Variants in PTPRO observed in about 807,000 individuals in gnomAD.
The protein encoded by PTPRO is receptor-type tyrosine-protein phosphatase O.
A neutral mutation model predicts 145.2 loss-of-function variants in PTPRO; 62 were observed. The observed-to-expected ratio is 0.43, with a 90% CI of 0.35 to 0.53. The LOEUF is 0.53. Ranked by LOEUF, PTPRO falls within the 20% of genes least tolerant of loss-of-function variation. PTPRO has a pLI of 0.01. For synonymous variants in PTPRO, 565 were observed against 514.7 expected (o/e 1.10, Z -1.32); for missense variants, 1,345 against 1,482.7 (o/e 0.91, Z 1.53).
At position 15,507,464 on chromosome 12, in the gene PTPRO, C is replaced by T. The variant is rs188374221; in HGVS notation, c.1268-1107C>T. Among the ~76,000 whole-genome samples, 168 of 138,216 alleles carry T rather than the reference C, an allele frequency of 1.2e-3. 1 individual carries two copies. The highest frequency in any genetic ancestry group is 0.01 in the South Asian group (43 of 4,184). 90.7% of individuals were successfully genotyped at this position (138,216 alleles called of 152,430 possible). A position where few individuals can be genotyped will look rare whatever the true frequency, so the allele number is the denominator to read the frequency against. ...AAATAAATAAATAAGGAATGAAATA[C>T]GTAACACATAAAAACTTAAAGAAGG... On this transcript the variant is annotated intron_variant, in intron 6 of 26. Transcript: ENST00000281171.
At chr12:15,513,601 A>G (rs535624129) in intron 7 of PTPRO, among the ~76,000 whole-genome samples, 1 of 152,326 alleles carries the variant, frequency 6.6e-6, no homozygotes, top group African/African-American at 2.4e-5. Flanking sequence ...TTTAAAATTC[A>G]TATCATATCA....
intron 1 of PTPRO, among the ~76,000 whole-genome samples, chr12:15,355,790 T>A (rs1450393347): frequency 1.3e-5 from 2 of 152,224 alleles, no homozygotes; most frequent in Non-Finnish European, 1.5e-5. Context: ...AAAGTTTTTA[T>A]GGCTATTTCT....
Position 15,504,010 on chromosome 12 carries a change from C to T in PTPRO, c.1208C>T (p.Ser403Phe). 1 of 1,612,298 alleles carries T rather than the reference C, an allele frequency of 6.2e-7. No homozygotes were observed. Among genetic ancestry groups the T allele is most frequent in the Non-Finnish European group, 8.5e-7 (1 of 1,178,542 alleles). The change falls in exon 6 of 27, where the codon TCC becomes TTC. Residue 403 changes from serine (S) to phenylalanine (F), a missense_variant. Physicochemically the swap from Ser to Phe is radical, Grantham distance 155. Around this residue, in one of 3 missense-constraint regions of PTPRO, gnomAD observed 1,130 missense variants for 1,214.7 expected, o/e 0.93. Coordinates refer to ENST00000281171, the MANE Select transcript of PTPRO (RefSeq NM_030667.3). Reference sequence around the variant, plus strand: ...AAGTTATCTGTGACAACCTTTAGTTCCTCAGGATCTTGTGAAACTCGAAAA... The same window carrying T: ...AAGTTATCTGTGACAACCTTTAGTTTCTCAGGATCTTGTGAAACTCGAAAA... The part of the protein sequence containing the change: ...KYKLSVTTFS[S>F]SGSCETRKSQ...
chr12:15,390,565 A>G lies in PTPRO; in HGVS notation c.75+67764A>G, dbSNP rs575338418. On this transcript the variant is annotated intron_variant, in intron 1 of 26. Coordinates refer to ENST00000281171, the MANE Select transcript of PTPRO (RefSeq NM_030667.3). ...ACACGCGGGAATTATGGGAGCTACA[A>G]TTCAAGATAAGATTTGGGTGGAGAC... Among the ~76,000 whole-genome samples, 87 of 152,292 alleles carry G rather than the reference A, an allele frequency of 5.7e-4. No individual in the cohort carries two copies. The South Asian group carries it at 0.016, about 29-fold the overall frequency.
At chr12:15,340,328 TTCTTCC>T (rs1866932296) in intron 1 of PTPRO, among the ~76,000 whole-genome samples, 1 of 152,152 alleles carries the variant, frequency 6.6e-6, no homozygotes, top group Non-Finnish European at 1.5e-5. Flanking sequence ...GGTCTACCAC[TTCTTCC>T]TCTTCCTCTT....
chr12:15,365,202 T>C (rs1034212427), intron 1 of PTPRO, among the ~76,000 whole-genome samples: 3 of 152,148 alleles, frequency 2.0e-5, no homozygotes, highest in Non-Finnish European at 4.4e-5. Context: ...CCCTACATTC[T>C]GGGTGTCTGG....
At position 15,526,210 on chromosome 12, in the gene PTPRO, T is replaced by C. The variant is rs1445080892; in HGVS notation, c.2112T>C (p.Thr704=). 5 of 1,613,750 alleles carry C rather than the reference T, an allele frequency of 3.1e-6. No homozygotes were observed. The Admixed American group carries it at 5.0e-5, about 16-fold the overall frequency. Residue 704 remains threonine, a synonymous_variant, in exon 12 of 27, where the codon ACT becomes ACC. Coordinates refer to ENST00000281171, the MANE Select transcript of PTPRO (RefSeq NM_030667.3). ...PPGDIYNLSV[T]ACTERGSNTS... is the part of the protein sequence containing the mutation. ...GCGACATCTATAACCTCTCAGTAAC[T>C]GCTTGTACTGAAAGAGGAAGTAATA...
At chr12:15,445,436 A>G (rs1940877205) in intron 1 of PTPRO, among the ~76,000 whole-genome samples, 2 of 152,186 alleles carry the variant, frequency 1.3e-5, no homozygotes, top group Non-Finnish European at 2.9e-5. Flanking sequence ...ACGTAGCCTT[A>G]GAGGCTGAAA....
chr12:15,416,160 G>C (rs1939965334), intron 1 of PTPRO, among the ~76,000 whole-genome samples: 1 of 151,596 alleles, frequency 6.6e-6, no homozygotes, highest in South Asian at 2.1e-4. Context: ...TTGTTGAGCA[G>C]TACTGAAAGG....
chr12:15,536,663 TC>T (rs1192057277), intron 12 of PTPRO, among the ~76,000 whole-genome samples: 1 of 152,146 alleles, frequency 6.6e-6, no homozygotes, highest in African/African-American at 2.4e-5. Flanking sequence ...AATAGATTGT[TC>T]AGGGCAAGGA....
At chr12:15,484,677 C>G (rs971901877) in intron 2 of PTPRO, among the ~76,000 whole-genome samples, 1 of 152,014 alleles carries the variant, frequency 6.6e-6, no homozygotes, top group Non-Finnish European at 1.5e-5. Flanking sequence ...AGGTCTTTGG[C>G]TGAGAGAGAG....
intron 1 of PTPRO, among the ~76,000 whole-genome samples, chr12:15,430,157 T>G (rs1337965942): frequency 6.6e-6 from 1 of 151,006 alleles, no homozygotes; most frequent in Non-Finnish European, 1.5e-5. Flanking sequence ...GAGAGGTTTT[T>G]GCACATAGGT....
rs182983991 is a variant in PTPRO at position 15,472,965 on chromosome 12, G to C, written c.76-11009G>C. 7.2e-5 allele frequency among the ~76,000 whole-genome samples: 11 copies of C among 152,270 alleles called. No individual in the cohort carries two copies. The East Asian group carries it at 1.9e-3, about 27-fold the overall frequency. ...AACTTCAGAGGAACCACTCTGGATG[G>C]CCTGGCTTAGTCCACATGAGCATCA... On this transcript the variant is annotated intron_variant, in intron 1 of 26. Transcript: ENST00000281171.
chr12:15,467,013 CT>C (rs1941431754), intron 1 of PTPRO, among the ~76,000 whole-genome samples: 1 of 152,128 alleles, frequency 6.6e-6, no homozygotes, highest in South Asian at 2.1e-4. Flanking sequence ...GGATGTATTA[CT>C]TAATCTTTCA....
intron 3 of PTPRO, 24 bp from the exon 4 acceptor site, chr12:15,499,418 A>G: frequency 6.2e-7 from 1 of 1,605,782 alleles, no homozygotes; most frequent in Non-Finnish European, 8.5e-7. Context: ...CATATTTTTC[A>G]TGTAATTGAT....
At chr12:15,594,331 A>G (rs1222090458) in intron 25 of PTPRO, among the ~76,000 whole-genome samples, 1 of 151,976 alleles carries the variant, frequency 6.6e-6, no homozygotes, top group Non-Finnish European at 1.5e-5. Flanking sequence ...GCTTTGGTGT[A>G]TGATAATGGG....
At chr12:15,538,327 C>T (rs901047751) in intron 12 of PTPRO, among the ~76,000 whole-genome samples, 12 of 151,968 alleles carry the variant, frequency 7.9e-5, no homozygotes, top group African/African-American at 2.7e-4. Flanking sequence ...CAGGTTCAAG[C>T]GATTCTCCTG....
At chr12:15,348,356 TC>T (rs1937663646) in intron 1 of PTPRO, 1 of 152,120 alleles carries the variant, frequency 6.6e-6, no homozygotes, top group Admixed American at 6.6e-5. Flanking sequence ...GCAGGCAGTC[TC>T]TAGAATCTGG....
rs1866341429 is a variant in PTPRO, at chr12:15,322,893, A to G, written c.75+92A>G. On this transcript the variant is annotated intron_variant, in intron 1 of 26. Coordinates refer to ENST00000281171, the MANE Select transcript of PTPRO (RefSeq NM_030667.3). This position sits in a 1 kb window ranked among gnomAD's most constrained non-coding sequence, Gnocchi z 6.3. Reference sequence around the variant, plus strand: ...TCTGCCGTTGGGAGCGGCGCGCCCCAGGGCACGATGGCCCAGCCGCGGGAA... The same window carrying G: ...TCTGCCGTTGGGAGCGGCGCGCCCCGGGGCACGATGGCCCAGCCGCGGGAA... 1 of 1,334,340 alleles carries G rather than the reference A, an allele frequency of 7.5e-7. No individual in the cohort carries two copies. The highest frequency in any genetic ancestry group is 1.0e-6 in the Non-Finnish European group (1 of 963,172). 82.7% of individuals were successfully genotyped at this position (1,334,340 alleles called of 1,614,324 possible).
Sources: allele counts gnomAD v4.1 joint callset (sites outside exome capture counted in the v4.1 genomes callset), GRCh38; gene constraint gnomAD v4.1.1; regional missense constraint gnomAD v4.1.1; non-coding constraint Gnocchi (gnomAD v3.1); transcripts MANE v1.5; gene names NCBI Gene and HGNC (gene_info 2026-07-23, HGNC 2026-07-21).